CEMIP2: variants seen among roughly 807,000 people sequenced by gnomAD.
CEMIP2 encodes cell migration inducing hyaluronidase 2, also known as cell surface hyaluronidase CEMIP2.
In CEMIP2, 79 loss-of-function variants were observed where a neutral mutation model predicts 146.9. The observed-to-expected ratio is 0.54, with a 90% CI of 0.45 to 0.65. The LOEUF (loss-of-function observed/expected upper bound fraction) is 0.65, where lower values mean the gene tolerates loss of function less well. CEMIP2 is among the 30% of genes least tolerant of loss of function. The probability of loss-of-function intolerance (pLI) is 0.00; values close to 1 mark genes in which losing one functional copy is unlikely to be tolerated. For missense variants in CEMIP2, 1,596 were observed against 1,696.2 expected, an observed-to-expected ratio of 0.94 and a Z score of 1.04; for synonymous variants, 601 against 606.3, an observed-to-expected ratio of 0.99 and a Z score of 0.13.
intron 22 of CEMIP2, chr9:71,686,091 C>T: frequency 2.4e-6 from 1 of 413,696 alleles, no homozygotes; most frequent in Non-Finnish European, 4.4e-6. Context: ...GTACGTTCAC[C>T]TAGTGCAGGG....
intron 1 of CEMIP2, among the ~76,000 whole-genome samples, 193 bp from the exon 2 acceptor site, chr9:71,750,578 A>C (rs1824221270): frequency 6.6e-6 from 1 of 150,606 alleles, no homozygotes; most frequent in South Asian, 2.1e-4. Flanking sequence ...AGTAGCTGGG[A>C]TTAGAGGCAT....
At chr9:71,734,712 A>T in intron 6 of CEMIP2, 94 bp downstream of exon 6, 1 of 1,084,796 alleles carries the variant, frequency 9.2e-7, no homozygotes, top group Non-Finnish European at 1.3e-6. Flanking sequence ...TGGTGGTGGT[A>T]GTGATGGTAG....
intron 1 of CEMIP2, among the ~76,000 whole-genome samples, chr9:71,766,223 C>A (rs1824788318): frequency 6.6e-6 from 1 of 151,768 alleles, no homozygotes; most frequent in Non-Finnish European, 1.5e-5. Flanking sequence ...CGTGCACCAC[C>A]ACACCTGGCT....
chr9:71,737,237 G>A (rs1823788816), intron 5 of CEMIP2, among the ~76,000 whole-genome samples: 1 of 150,178 alleles, frequency 6.7e-6, no homozygotes, highest in East Asian at 2.0e-4. Flanking sequence ...CAGATCACCT[G>A]AGGTCGGCAG....
At chr9:71,711,510 T>C (rs1216224994) in intron 16 of CEMIP2, among the ~76,000 whole-genome samples, 1 of 151,652 alleles carries the variant, frequency 6.6e-6, no homozygotes, top group Non-Finnish European at 1.5e-5. Context: ...CCAATTGAGG[T>C]TGAAGCTGCA....
intron 8 of CEMIP2, 96 bp downstream of exon 8, chr9:71,730,609 C>A: frequency 7.6e-7 from 1 of 1,311,842 alleles, no homozygotes; most frequent in Non-Finnish European, 1.1e-6. Flanking sequence ...AGGCATGTGG[C>A]TAAACAGTTT....
Position 71,730,203 on chromosome 9 carries a change from T to A in CEMIP2, c.1824A>T (p.Glu608Asp), listed in dbSNP as rs1407177710. 1 of 1,614,218 alleles carries A rather than the reference T, an allele frequency of 6.2e-7. No homozygotes were observed. The highest frequency in any genetic ancestry group is 1.7e-5 in the Admixed American group (1 of 60,022). Residue 608 changes from glutamate (E) to aspartate (D), a missense_variant, in exon 9 of 24, where the codon GAA becomes GAT. Coordinates refer to ENST00000377044, the MANE Select transcript of CEMIP2 (RefSeq NM_013390.3). ...FDTLGHCFFL[E>D]DGIEQRNTLF... ...AAGTATTCCTCTGTTCAATACCATC[T>A]TCCAAAAAGAAACAATGACCTAGTG...
chr9:71,756,716 C>G (rs1453632880), intron 1 of CEMIP2, among the ~76,000 whole-genome samples: 1 of 152,010 alleles, frequency 6.6e-6, no homozygotes, highest in Non-Finnish European at 1.5e-5. Flanking sequence ...TTATAAAATG[C>G]AATTCTAGTA....
intron 21 of CEMIP2, among the ~76,000 whole-genome samples, chr9:71,691,586 A>G (rs1357148569): frequency 6.6e-6 from 1 of 152,166 alleles, no homozygotes; most frequent in Non-Finnish European, 1.5e-5. Context: ...TAAGAAAAAA[A>G]ATACCCAACA....
intron 15 of CEMIP2, among the ~76,000 whole-genome samples, chr9:71,714,727 C>T (rs1330663933): frequency 6.6e-6 from 1 of 152,106 alleles, no homozygotes; most frequent in African/African-American, 2.4e-5. Flanking sequence ...ATAACTAATG[C>T]TCCAAAATTT....
In CEMIP2 at chr9:71,708,385, G is replaced by C. The variant is rs532731071; in HGVS notation, c.2985+874C>G. 1.6e-3 allele frequency among the ~76,000 whole-genome samples: 240 copies of C among 152,220 alleles called. 2 individuals carry two copies. The highest frequency in any genetic ancestry group is 3.0e-3 in the Non-Finnish European group (204 of 68,008). On this transcript the variant is annotated intron_variant, in intron 17 of 23. Transcript: ENST00000377044. ...CCTTAAATAATACTAAGAGCAGCGG[G>C]CACTGAACTATGTGCCAGGCCATAT...
intron 21 of CEMIP2, among the ~76,000 whole-genome samples, chr9:71,692,970 A>C (rs940707374): frequency 6.6e-6 from 1 of 151,610 alleles, no homozygotes; most frequent in Non-Finnish European, 1.5e-5. Flanking sequence ...ACAGTTACAT[A>C]GGGATAGTCT....
In CEMIP2 at chr9:71,734,789, T is replaced by C; in HGVS notation, c.1393+17A>G. On this transcript the variant is annotated intron_variant, in intron 6 of 23. Transcript: ENST00000377044. ...AAATAGTGTGTTTCCCAAGAAGTACTCTAAGCAGTTTAATACCTTTGACTT... is the reference window on the plus strand; with the variant it reads ...AAATAGTGTGTTTCCCAAGAAGTACCCTAAGCAGTTTAATACCTTTGACTT... The C allele has an allele frequency of 6.3e-7, 1 of 1,581,508 alleles. No individual in the cohort carries two copies. Among genetic ancestry groups the C allele is most frequent in the Non-Finnish European group, 8.6e-7 (1 of 1,160,814 alleles).
At chr9:71,732,159 G>A (rs1033698916) in intron 7 of CEMIP2, among the ~76,000 whole-genome samples, 192 bp downstream of exon 7, 3 of 151,978 alleles carry the variant, frequency 2.0e-5, no homozygotes, top group African/African-American at 7.3e-5. Context: ...GGTTTAACTA[G>A]AGGTCCAGGT....
In CEMIP2 at chr9:71,746,341, T is replaced by C. The variant is rs1415840331; in HGVS notation, c.332A>G (p.Glu111Gly). The change falls in exon 3 of 24, where the codon GAA (glutamate) becomes GGA (glycine). Residue 111 changes from glutamate to glycine, a missense_variant and splice_region_variant. Coordinates refer to ENST00000377044, the MANE Select transcript of CEMIP2 (RefSeq NM_013390.3). ...ACGAGGATTTTGATCTGGGCAATTT[T>C]CTATAAACACATTGATATTCCATCC... ...LGISSKYAPD[E>G]NCPDQNPRLR... 6.2e-7 allele frequency: 1 copy of C among 1,613,724 alleles called. No individual in the cohort carries two copies. Among genetic ancestry groups the C allele is most frequent in the Non-Finnish European group, 8.5e-7 (1 of 1,179,786 alleles).
chr9:71,739,917 C>G, intron 5 of CEMIP2, 146 bp downstream of exon 5: 1 of 737,546 alleles, frequency 1.4e-6, no homozygotes, highest in Non-Finnish European at 2.1e-6. Context: ...AGATTAAGCA[C>G]AGTAGGAAAA....
chr9:71,716,674 C>G (rs1298158327), intron 13 of CEMIP2, 122 bp from the exon 14 acceptor site: 2 of 706,590 alleles, frequency 2.8e-6, no homozygotes, highest in African/African-American at 3.7e-5. Context: ...TCTACATGAC[C>G]ACACAAAAAT....
At chr9:71,753,893 AG>A (rs1236942816) in intron 1 of CEMIP2, among the ~76,000 whole-genome samples, 2 of 152,352 alleles carry the variant, frequency 1.3e-5, no homozygotes, top group African/African-American at 4.8e-5. Flanking sequence ...GGATTGTGGT[AG>A]GAACTATGGG....
intron 19 of CEMIP2, among the ~76,000 whole-genome samples, chr9:71,699,847 C>T (rs985859965): frequency 1.3e-5 from 2 of 152,122 alleles, no homozygotes; most frequent in Non-Finnish European, 2.9e-5. Flanking sequence ...CTAGGCTGAA[C>T]TTCTGAGGCA....
Sources: gnomAD v4.1 joint callset for allele counts (sites outside exome capture counted in the v4.1 genomes callset) on GRCh38, gnomAD v4.1.1 for gene constraint, MANE v1.5 for transcripts, NCBI Gene and HGNC (gene_info 2026-07-23, HGNC 2026-07-21) for gene names.